CSNK1A1: variants seen among roughly 807,000 people sequenced by gnomAD.
CSNK1A1 encodes casein kinase I isoform alpha.
CSNK1A1 carries 7 observed loss-of-function variants against 46.1 expected under a neutral mutation model. The observed-to-expected ratio is 0.15, with a 90% CI of 0.09 to 0.29. CSNK1A1 has a LOEUF of 0.29. Ranked by LOEUF, CSNK1A1 falls within the 10% of genes least tolerant of loss-of-function variation. The pLI is 1.00. For synonymous variants in CSNK1A1, 137 were observed against 141.5 expected, an observed-to-expected ratio of 0.97 and a Z score of 0.23; for missense variants, 96 against 417.1, an observed-to-expected ratio of 0.23 and a Z score of 6.71.
At chr5:149,497,728 C>T (rs1445712122) in intron 9 of CSNK1A1, 1 of 985,420 alleles carries the variant, frequency 1.0e-6, no homozygotes, top group Non-Finnish European at 1.2e-6. Flanking sequence ...TACCTCCTTA[C>T]AAATGAGCTA....
rs140265887 is a variant in CSNK1A1, at chr5:149,536,126, T to C, written c.231-10955A>G. On this transcript the variant is annotated intron_variant, in intron 2 of 9. Transcript: ENST00000377843. ...GCGCCACCACGCCTGACTAATTTTGTATTTTTAGTAGATATGGGGTTTCTC... is the reference window on the plus strand; with the variant it reads ...GCGCCACCACGCCTGACTAATTTTGCATTTTTAGTAGATATGGGGTTTCTC... Among the ~76,000 whole-genome samples the C allele has an allele frequency of 5.7e-3, 870 of 152,282 alleles. 1 individual carries two copies. The highest frequency in any genetic ancestry group is 0.02 in the African/African-American group (826 of 41,556).
In CSNK1A1 at chr5:149,546,055, A is replaced by AT. The variant is rs778357270; in HGVS notation, c.230+4019dup. ...AGGCGCACGCCACCACACCAGGCTA[A>AT]TTTTTTTTTTTTTTGTATTTTAGTA... On this transcript the variant is annotated intron_variant, in intron 2 of 9. Transcript: ENST00000377843. Among the ~76,000 whole-genome samples the AT allele has an allele frequency of 6.4e-3, 899 of 141,390 alleles. 7 individuals are homozygous for AT. The highest frequency in any genetic ancestry group is 0.018 in the African/African-American group (716 of 38,782). The allele number at this position is 141,390 out of a possible 152,430, so 92.8% of individuals were successfully genotyped here. A position where few individuals can be genotyped will look rare whatever the true frequency, so the allele number is the denominator to read the frequency against.
chr5:149,499,151 C>A (rs1760745186), intron 9 of CSNK1A1: 1 of 985,198 alleles, frequency 1.0e-6, no homozygotes, highest in Non-Finnish European at 1.2e-6. Context: ...AACAGTCTTG[C>A]AGTACTAAGC....
chr5:149,519,353 CAAAACAAAAAAGCCACAAA>C (rs948392353), intron 4 of CSNK1A1, among the ~76,000 whole-genome samples: 24 of 151,894 alleles, frequency 1.6e-4, no homozygotes, highest in African/African-American at 5.8e-4. Context: ...CTTCCAAAAA[CAAAACAAAAAAGCCACAAA>C]AAAACAAAAA....
chr5:149,545,929 C>A (rs567188782), intron 2 of CSNK1A1: 1 of 229,398 alleles, frequency 4.4e-6, no homozygotes, highest in Non-Finnish European at 8.7e-6. Flanking sequence ...CATTCTGTCG[C>A]CCAGGCTGGA....
At chr5:149,506,929 T>A in intron 8 of CSNK1A1, 98 bp downstream of exon 8, 9 of 880,582 alleles carry the variant, frequency 1.0e-5, no homozygotes, top group Non-Finnish European at 1.2e-5. Context: ...GTTAGCTAGA[T>A]CTGCTTTACT....
intron 3 of CSNK1A1, among the ~76,000 whole-genome samples, chr5:149,522,284 A>G (rs958176981): frequency 1.3e-5 from 2 of 151,534 alleles, no homozygotes; most frequent in African/African-American, 2.4e-5. Flanking sequence ...TAATTTTTGT[A>G]TTTTTTGTGG....
At chr5:149,539,600 A>G (rs1181689021) in intron 2 of CSNK1A1, among the ~76,000 whole-genome samples, 1 of 152,064 alleles carries the variant, frequency 6.6e-6, no homozygotes, top group Non-Finnish European at 1.5e-5. Context: ...TATTTTGGGG[A>G]TTAATAACAA....
At chr5:149,514,851 T>C (rs1014566667) in intron 4 of CSNK1A1, among the ~76,000 whole-genome samples, 20 of 152,164 alleles carry the variant, frequency 1.3e-4, no homozygotes, top group African/African-American at 4.8e-4. Context: ...AGAATGAAGA[T>C]TAAATTATTA....
chr5:149,525,592 G>A lies in CSNK1A1; in HGVS notation c.231-421C>T, dbSNP rs1761705342. 1.3e-5 allele frequency among the ~76,000 whole-genome samples: 2 copies of A among 152,128 alleles called. No individual in the cohort carries two copies. The highest frequency in any genetic ancestry group is 6.5e-5 in the Admixed American group (1 of 15,274). ...CAAAGATTTCTTTTATCTGAACTTCGATTCCAGTTCCTACCAAATTGCATT... is the reference window on the plus strand; with the variant it reads ...CAAAGATTTCTTTTATCTGAACTTCAATTCCAGTTCCTACCAAATTGCATT... On this transcript the variant is annotated intron_variant, in intron 2 of 9. Coordinates refer to ENST00000377843, the MANE Select transcript of CSNK1A1 (RefSeq NM_001892.6). This position sits in a 1 kb window ranked among gnomAD's most constrained non-coding sequence, Gnocchi z 4.2.
rs142719403 is a variant in CSNK1A1 at position 149,544,057 on chromosome 5, A to G, written c.230+6018T>C. Among the ~76,000 whole-genome samples the G allele has an allele frequency of 5.1e-4, 77 of 152,314 alleles. 1 individual carries two copies. Among genetic ancestry groups the G allele is most frequent in the African/African-American group, 1.8e-3 (73 of 41,560 alleles). ...CCAGGACTAAAAGTCCTTAGGATCA[A>G]TGAGGCCAGTGACACTTTTAAGTAG... On this transcript the variant is annotated intron_variant, in intron 2 of 9. Coordinates refer to ENST00000377843, the MANE Select transcript of CSNK1A1 (RefSeq NM_001892.6).
In CSNK1A1 at chr5:149,496,563, G is replaced by T; in HGVS notation, c.*290C>A. Reference sequence around the variant, plus strand: ...ATGCACAATTTCTCCACCAATTTTTGTGTGTCAACCATTTAGTTAACTTTT... The same window carrying T: ...ATGCACAATTTCTCCACCAATTTTTTTGTGTCAACCATTTAGTTAACTTTT... On this transcript the variant is annotated 3_prime_UTR_variant, in exon 10 of 10. Coordinates refer to ENST00000377843, the MANE Select transcript of CSNK1A1 (RefSeq NM_001892.6). The T allele has an allele frequency of 2.5e-6, 1 of 396,570 alleles. No individual in the cohort carries two copies. Among genetic ancestry groups the T allele is most frequent in the Non-Finnish European group, 4.5e-6 (1 of 223,578 alleles). 24.6% of individuals were successfully genotyped at this position (396,570 alleles called of 1,614,324 possible). A position where few individuals can be genotyped will look rare whatever the true frequency, so the allele number is the denominator to read the frequency against.
intron 2 of CSNK1A1, among the ~76,000 whole-genome samples, chr5:149,536,749 TA>T (rs1304439717): frequency 6.6e-6 from 1 of 152,170 alleles, no homozygotes; most frequent in Non-Finnish European, 1.5e-5. Context: ...GTAATATTCA[TA>T]AAAGTAAGTC....
chr5:149,513,710 A>G (rs13181593), intron 4 of CSNK1A1, among the ~76,000 whole-genome samples: 42,773 of 151,876 alleles, frequency 0.28, 6,729 homozygotes, highest in East Asian at 0.62. Context: ...GACCAGCCTG[A>G]CCAAACATGG....
rs898955365 is a variant in CSNK1A1 at position 149,525,381 on chromosome 5, A to G, written c.231-210T>C. 6.6e-6 allele frequency among the ~76,000 whole-genome samples: 1 copy of G among 152,048 alleles called. No individual in the cohort carries two copies. Among genetic ancestry groups the G allele is most frequent in the African/African-American group, 2.4e-5 (1 of 41,396 alleles). On this transcript the variant is annotated intron_variant, in intron 2 of 9. Coordinates refer to ENST00000377843, the MANE Select transcript of CSNK1A1 (RefSeq NM_001892.6). This position sits in a 1 kb window ranked among gnomAD's most constrained non-coding sequence, Gnocchi z 4.2. Reference sequence around the variant, plus strand: ...TTTTTTTTCCCTGTCATGCAACTCCATTCTCCTATATAGATAGGACATGCA... The same window carrying G: ...TTTTTTTTCCCTGTCATGCAACTCCGTTCTCCTATATAGATAGGACATGCA...
chr5:149,538,512 G>A (rs764513694), intron 2 of CSNK1A1, among the ~76,000 whole-genome samples: 9 of 152,206 alleles, frequency 5.9e-5, no homozygotes, highest in Non-Finnish European at 1.0e-4. Context: ...CTCTAAGAGG[G>A]ATAAAAAATA....
intron 2 of CSNK1A1, among the ~76,000 whole-genome samples, chr5:149,544,044 G>T (rs1029242633): frequency 3.3e-5 from 5 of 152,138 alleles, no homozygotes; most frequent in Non-Finnish European, 7.4e-5. Context: ...AGGACTAAAA[G>T]TCCTTAGGAT....
chr5:149,541,430 G>C (rs957780264), intron 2 of CSNK1A1, among the ~76,000 whole-genome samples: 9 of 151,976 alleles, frequency 5.9e-5, no homozygotes, highest in African/African-American at 1.7e-4. Context: ...TGGGATTACA[G>C]GTGTGGCATG....
chr5:149,496,960 A>G (rs1760672684), intron 9 of CSNK1A1, 100 bp from the exon 10 acceptor site: 23 of 1,488,676 alleles, frequency 1.5e-5, no homozygotes, highest in Non-Finnish European at 1.9e-5. Flanking sequence ...GCCAATAATT[A>G]TAGTGGCTCA....
Sources: gnomAD v4.1 joint callset for allele counts (sites outside exome capture counted in the v4.1 genomes callset) on GRCh38, gnomAD v4.1.1 for gene constraint, Gnocchi (gnomAD v3.1) non-coding constraint, MANE v1.5 for transcripts, NCBI Gene and HGNC (gene_info 2026-07-23, HGNC 2026-07-21) for gene names.